UNC13C: variants seen among roughly 807,000 people sequenced by gnomAD.
The protein encoded by UNC13C is protein unc-13 homolog C.
UNC13C carries 174 observed loss-of-function variants against 245.4 expected under a neutral mutation model. The observed-to-expected ratio is 0.71, with a 90% confidence interval of 0.63 to 0.80. The LOEUF is 0.80. Ranked by LOEUF, UNC13C falls within the 30% of genes least tolerant of loss-of-function variation. The pLI is 0.00. For synonymous variants in UNC13C, 992 were observed against 895.1 expected (o/e 1.11, Z -1.93); for missense variants, 2,829 against 2,602.9 (o/e 1.09, Z -1.89).
intron 24 of UNC13C, among the ~76,000 whole-genome samples, chr15:54,517,303 A>G (rs1895024007): frequency 6.6e-6 from 1 of 152,198 alleles, no homozygotes; most frequent in African/African-American, 2.4e-5. Context: ...GTCACATTAT[A>G]TCTTTCAGTT....
the UNC13C span, chr15:53,914,405 C>T: frequency 1.8e-4 from 28 of 152,318 alleles, no homozygotes; most frequent in East Asian, 1.9e-3. Context: ...TCTTGGGGCT[C>T]GGCTCAGCTC....
chr15:54,328,386 G>T (rs1023610246), intron 14 of UNC13C, among the ~76,000 whole-genome samples: 1 of 151,828 alleles, frequency 6.6e-6, no homozygotes, highest in African/African-American at 2.4e-5. Context: ...GTATGATCTG[G>T]AAAAAAACTG....
At chr15:54,110,276 G>A (rs1199991975) in intron 2 of UNC13C, among the ~76,000 whole-genome samples, 2 of 21,584 alleles carry the variant, frequency 9.3e-5, no homozygotes, top group East Asian at 5.2e-3. Context: ...GTGAGACGCT[G>A]CCTCAAAAAA....
intron 17 of UNC13C, among the ~76,000 whole-genome samples, chr15:54,380,168 G>A (rs2039692715): frequency 6.7e-6 from 1 of 148,928 alleles, no homozygotes; most frequent in African/African-American, 2.5e-5. Context: ...CCCTGCCCCT[G>A]TTAACACCAT....
chr15:54,052,470 G>A (rs1310195254), intron 2 of UNC13C, among the ~76,000 whole-genome samples: 1 of 151,766 alleles, frequency 6.6e-6, no homozygotes, highest in East Asian at 1.9e-4. Flanking sequence ...GGTGTGAGAT[G>A]GTATCTCATT....
the UNC13C span, among the ~76,000 whole-genome samples, chr15:53,907,710 T>C: frequency 6.8e-6 from 1 of 147,998 alleles, no homozygotes; most frequent in East Asian, 2.0e-4. Context: ...AAAAGTCATT[T>C]ATTATTATCT....
At chr15:54,609,266 C>T (rs1899947235) in intron 30 of UNC13C, 1 of 152,148 alleles carries the variant, frequency 6.6e-6, no homozygotes, top group Non-Finnish European at 1.5e-5. Context: ...CACCCAGGTA[C>T]CAATTATTGG....
At chr15:54,366,778 G>A (rs541480676) in intron 17 of UNC13C, among the ~76,000 whole-genome samples, 9 of 152,128 alleles carry the variant, frequency 5.9e-5, no homozygotes, top group Admixed American at 1.3e-4. Context: ...TTAATGCAGC[G>A]TTTTTCTTCA....
chr15:54,391,913 T>C (rs2039966179), intron 17 of UNC13C, among the ~76,000 whole-genome samples: 1 of 152,070 alleles, frequency 6.6e-6, no homozygotes, highest in East Asian at 1.9e-4. Flanking sequence ...AACATATGCA[T>C]ATACAACCAT....
chr15:53,965,005 A>G, the UNC13C span, among the ~76,000 whole-genome samples: 5 of 152,182 alleles, frequency 3.3e-5, no homozygotes, highest in Non-Finnish European at 7.3e-5. Context: ...TAATGATTCT[A>G]TAAGTTTTCT....
chr15:54,218,712 T>G (rs1197518112), intron 4 of UNC13C, among the ~76,000 whole-genome samples: 1 of 151,842 alleles, frequency 6.6e-6, no homozygotes, highest in African/African-American at 2.4e-5. Context: ...AATCACTCTG[T>G]TGGCAATCCA....
At chr15:54,036,275 C>T (rs1047942661) in intron 2 of UNC13C, among the ~76,000 whole-genome samples, 18 of 152,256 alleles carry the variant, frequency 1.2e-4, no homozygotes, top group African/African-American at 3.9e-4. Flanking sequence ...ACTTGAGGTG[C>T]GACTGACACT....
At chr15:54,508,118 G>A (rs113792972) in intron 23 of UNC13C, among the ~76,000 whole-genome samples, 1 of 151,610 alleles carries the variant, frequency 6.6e-6, no homozygotes, top group Non-Finnish European at 1.5e-5. Context: ...AGAACTTTTT[G>A]ACAACTCAAA....
chr15:54,007,651 G>A (rs1030280507), intron 1 of UNC13C, among the ~76,000 whole-genome samples: 7 of 152,158 alleles, frequency 4.6e-5, no homozygotes, highest in African/African-American at 7.2e-5. Flanking sequence ...GAAAAGTAGC[G>A]AAATGTGTGC....
At chr15:54,112,772 T>C (rs2029908336) in intron 2 of UNC13C, among the ~76,000 whole-genome samples, 1 of 152,244 alleles carries the variant, frequency 6.6e-6, no homozygotes. Context: ...AAATAATTTC[T>C]TTTTAACGCT....
At chr15:54,423,120 C>A (rs984725315) in intron 19 of UNC13C, among the ~76,000 whole-genome samples, 1 of 151,472 alleles carries the variant, frequency 6.6e-6, no homozygotes, top group Non-Finnish European at 1.5e-5. Flanking sequence ...TAATATATAG[C>A]ATACATATAT....
intron 30 of UNC13C, among the ~76,000 whole-genome samples, chr15:54,598,346 C>T (rs569910966): frequency 6.5e-4 from 99 of 152,332 alleles, no homozygotes; most frequent in African/African-American, 2.1e-3. Context: ...CTGCCCACCT[C>T]GGCCTCCCAA....
chr15:53,961,662 A>G, the UNC13C span, among the ~76,000 whole-genome samples: 1 of 152,234 alleles, frequency 6.6e-6, no homozygotes, highest in South Asian at 2.1e-4. Flanking sequence ...ATTGGTTAAT[A>G]TATGTCCATG....
chr15:54,499,837 G>A (rs1894119118), intron 20 of UNC13C, among the ~76,000 whole-genome samples: 1 of 152,132 alleles, frequency 6.6e-6, no homozygotes, highest in Non-Finnish European at 1.5e-5. Flanking sequence ...GTAACTGTTG[G>A]AAACTAAGCA....
Sources: gnomAD v4.1 joint callset for allele counts (sites outside exome capture counted in the v4.1 genomes callset) on GRCh38, gnomAD v4.1.1 for gene constraint, MANE v1.5 for transcripts, NCBI Gene and HGNC (gene_info 2026-07-23, HGNC 2026-07-21) for gene names.